Variants in ME3 observed in about 807,000 individuals in gnomAD.
ME3 encodes malic enzyme 3, also known as NADP-dependent malic enzyme, mitochondrial.
In ME3, 48 loss-of-function variants were observed where a neutral mutation model predicts 68.9. That is an observed-to-expected ratio of 0.70 (90% confidence interval 0.55 to 0.89). ME3 has a LOEUF of 0.89. Ranked by LOEUF, ME3 falls within the 40% of genes least tolerant of loss-of-function variation. The pLI is 0.00. For synonymous variants in ME3, 320 were observed against 318.8 expected (o/e 1.00, Z -0.04); for missense variants, 675 against 797.4 (o/e 0.85, Z 1.85).
intron 2 of ME3, among the ~76,000 whole-genome samples, chr11:86,668,782 T>C (rs1182067916): frequency 6.6e-6 from 1 of 152,192 alleles, no homozygotes; most frequent in Non-Finnish European, 1.5e-5. Context: ...CCACTCCTAA[T>C]CTGTCGAAAT....
chr11:86,445,901 A>G (rs1405602686), intron 13 of ME3, among the ~76,000 whole-genome samples: 1 of 151,990 alleles, frequency 6.6e-6, no homozygotes, highest in Non-Finnish European at 1.5e-5. Flanking sequence ...GGGGCTTACT[A>G]CCGCCAGTTA....
intron 4 of ME3, among the ~76,000 whole-genome samples, chr11:86,532,061 G>A (rs1392035653): frequency 6.6e-6 from 1 of 150,984 alleles, no homozygotes; most frequent in Non-Finnish European, 1.5e-5. Flanking sequence ...AACCAAAGAA[G>A]AACAGGGTTA....
At chr11:86,533,201 T>C (rs889341059) in intron 4 of ME3, among the ~76,000 whole-genome samples, 2 of 150,898 alleles carry the variant, frequency 1.3e-5, no homozygotes. Context: ...ATAGAAAAGA[T>C]CAACAAAACT....
chr11:86,495,352 C>T lies in ME3; in HGVS notation c.705+2611G>A, dbSNP rs565664060. 1.5e-4 allele frequency among the ~76,000 whole-genome samples: 23 copies of T among 152,294 alleles called. No individual in the cohort carries two copies. The South Asian group carries it at 2.7e-3, about 18-fold the overall frequency. On this transcript the variant is annotated intron_variant, in intron 6 of 14. Coordinates refer to ENST00000543262, the Ensembl canonical transcript of ME3. Reference sequence around the variant, plus strand: ...CTGGTGGATTTGTTACAAGTTAGAGCCAGCTCTAAACTTCAGCATATCATT... The same window carrying T: ...CTGGTGGATTTGTTACAAGTTAGAGTCAGCTCTAAACTTCAGCATATCATT...
rs1959306116 is a variant in ME3 at position 86,595,615 on chromosome 11, A to G, written c.184-35792T>C. On this transcript the variant is annotated intron_variant, in intron 2 of 14. Coordinates refer to ENST00000543262, the Ensembl canonical transcript of ME3. ...ATTGATTGAGTGTCTCCTATGAACCAGGCACTGTGCTGGCTCAAGGTCACA... is the reference window on the plus strand; with the variant it reads ...ATTGATTGAGTGTCTCCTATGAACCGGGCACTGTGCTGGCTCAAGGTCACA... Among the ~76,000 whole-genome samples the G allele has an allele frequency of 3.3e-5, 5 of 152,200 alleles. No individual in the cohort carries two copies. The South Asian group carries it at 1.0e-3, about 32-fold the overall frequency.
At chr11:86,570,771 G>A (rs1000647234) in intron 2 of ME3, among the ~76,000 whole-genome samples, 1 of 152,166 alleles carries the variant, frequency 6.6e-6, no homozygotes, top group Non-Finnish European at 1.5e-5. Flanking sequence ...CATGTATGAC[G>A]TACACAGAAG....
chr11:86,452,778 CAT>C (rs1949702271), intron 8 of ME3, among the ~76,000 whole-genome samples: 2 of 152,172 alleles, frequency 1.3e-5, no homozygotes, highest in Admixed American at 6.5e-5. Flanking sequence ...GTTAATTCCA[CAT>C]GTTAGTCTTT....
At chr11:86,525,512 A>T (rs1235409) in intron 4 of ME3, among the ~76,000 whole-genome samples, 2 of 126,490 alleles carry the variant, frequency 1.6e-5, no homozygotes, top group Admixed American at 8.0e-5. Flanking sequence ...TGAATGGTTT[A>T]AAAAAAAAAA....
chr11:86,493,146 C>G (rs553769947), intron 6 of ME3, among the ~76,000 whole-genome samples: 4 of 152,162 alleles, frequency 2.6e-5, no homozygotes, highest in African/African-American at 9.7e-5. Flanking sequence ...GTAGAAGAAA[C>G]CCTGCAATAC....
In ME3 at chr11:86,464,001, G is replaced by A. The variant is rs114901969; in HGVS notation, c.919+1090C>T. 2.8e-3 allele frequency: 991 copies of A among 350,380 alleles called. 9 individuals are homozygous for A. Among genetic ancestry groups the A allele is most frequent in the African/African-American group, 0.02 (931 of 46,450 alleles). 21.7% of individuals were successfully genotyped at this position (350,380 alleles called of 1,614,324 possible). On this transcript the variant is annotated intron_variant, in intron 8 of 14. Coordinates refer to ENST00000543262, the Ensembl canonical transcript of ME3. ...CTGTAGAGTGCTTAGAACAGTGCCCGACATACAATAAGCGTTCAGCGATTA... is the reference window on the plus strand; with the variant it reads ...CTGTAGAGTGCTTAGAACAGTGCCCAACATACAATAAGCGTTCAGCGATTA...
chr11:86,446,753 A>G (rs1949325438), intron 12 of ME3: 1 of 593,778 alleles, frequency 1.7e-6, no homozygotes, highest in Non-Finnish European at 3.0e-6. Context: ...GGGCCAACCC[A>G]GGACATGACA....
At chr11:86,621,021 T>C (rs1943315112) in intron 2 of ME3, among the ~76,000 whole-genome samples, 1 of 152,138 alleles carries the variant, frequency 6.6e-6, no homozygotes, top group African/African-American at 2.4e-5. Flanking sequence ...CAAAGTAAGG[T>C]CTGGGTTGGG....
intron 2 of ME3, among the ~76,000 whole-genome samples, chr11:86,575,252 C>T (rs1958036833): frequency 6.8e-6 from 1 of 147,276 alleles, no homozygotes. Flanking sequence ...CTTGCTGTCA[C>T]CTCCACCCCA....
intron 4 of ME3, among the ~76,000 whole-genome samples, chr11:86,509,779 C>T (rs971468023): frequency 7.7e-6 from 1 of 129,454 alleles, no homozygotes; most frequent in African/African-American, 2.9e-5. Flanking sequence ...AAAAAAAGTA[C>T]AGCTGGAATC....
downstream of ME3, chr11:86,436,469 C>T (rs970858442): frequency 1.4e-5 from 2 of 147,596 alleles, no homozygotes; most frequent in Non-Finnish European, 1.5e-5. Context: ...TGTCTTTTTC[C>T]CTCCCAAAAA....
chr11:86,482,243 T>A (rs1414513617), intron 7 of ME3, among the ~76,000 whole-genome samples: 1 of 151,888 alleles, frequency 6.6e-6, no homozygotes, highest in Non-Finnish European at 1.5e-5. Context: ...AAGTGTAGAG[T>A]CTCAGGTTAT....
rs1358376780 is a variant in ME3, at chr11:86,594,754, A to AT, written c.184-34932dup. ...CTCTCCAAATGTGAAATTTCAAAAG[A>AT]TTTTTCCTGCCTGCAGTGAGAAAAT... On this transcript the variant is annotated intron_variant, in intron 2 of 14. Coordinates refer to ENST00000543262, the Ensembl canonical transcript of ME3. 5.0e-4 allele frequency among the ~76,000 whole-genome samples: 74 copies of AT among 146,662 alleles called. 2 individuals carry two copies. Among genetic ancestry groups the AT allele is most frequent in the African/African-American group, 1.8e-3 (71 of 39,914 alleles).
At chr11:86,504,624 C>T (rs1487899173) in intron 5 of ME3, among the ~76,000 whole-genome samples, 1 of 151,932 alleles carries the variant, frequency 6.6e-6, no homozygotes, top group East Asian at 1.9e-4. Flanking sequence ...AAACTCCTGA[C>T]CTCAGGTGAT....
intron 2 of ME3, among the ~76,000 whole-genome samples, chr11:86,614,164 C>T (rs146525508): frequency 6.6e-6 from 1 of 152,266 alleles, no homozygotes; most frequent in East Asian, 1.9e-4. Flanking sequence ...ATCATCTTCC[C>T]AGGACCTCTA....
Sources: allele counts gnomAD v4.1 joint callset (sites outside exome capture counted in the v4.1 genomes callset), GRCh38; gene constraint gnomAD v4.1.1; transcripts MANE v1.5; gene names NCBI Gene and HGNC (gene_info 2026-07-23, HGNC 2026-07-21).